Variants in AGBL2 observed in about 807,000 individuals in gnomAD.
AGBL2 encodes cytosolic carboxypeptidase 2.
In AGBL2, 87 loss-of-function variants were observed where a neutral mutation model predicts 103.0. The observed-to-expected ratio is 0.84, with a 90% CI of 0.71 to 1.01. The LOEUF (loss-of-function observed/expected upper bound fraction) is 1.01, where lower values mean the gene tolerates loss of function less well. Among genes scored for constraint, AGBL2 ranks in the 50% least tolerant of loss-of-function variants. The pLI is 0.00. For synonymous variants in AGBL2, 335 were observed against 356.7 expected (o/e 0.94, Z 0.69); for missense variants, 904 against 1,023.5 (o/e 0.88, Z 1.59).
At chr11:47,676,347 A>C (rs913512500) in intron 14 of AGBL2, among the ~76,000 whole-genome samples, 1 of 152,050 alleles carries the variant, frequency 6.6e-6, no homozygotes, top group Non-Finnish European at 1.5e-5. Flanking sequence ...ACATCCCCCC[A>C]CAACCACTGC....
chr11:47,664,375 T>C (rs2097335612), intron 17 of AGBL2, among the ~76,000 whole-genome samples: 2 of 151,668 alleles, frequency 1.3e-5, no homozygotes, highest in African/African-American at 4.8e-5. Context: ...GCCTCCCAAG[T>C]AGCTAGGACT....
At chr11:47,687,840 C>A (rs542937957) in intron 10 of AGBL2, among the ~76,000 whole-genome samples, 1 of 144,798 alleles carries the variant, frequency 6.9e-6, no homozygotes, top group African/African-American at 2.5e-5. Flanking sequence ...CACAGTCTCA[C>A]TCTGTCACCT....
At chr11:47,710,001 C>T (rs527603957) in intron 4 of AGBL2, among the ~76,000 whole-genome samples, 1 of 152,052 alleles carries the variant, frequency 6.6e-6, no homozygotes, top group South Asian at 2.1e-4. Flanking sequence ...GTGATCCTCC[C>T]ACCTCAGCCT....
chr11:47,690,683 A>T lies in AGBL2; in HGVS notation c.1024T>A (p.Ser342Thr), dbSNP rs775110370. The T allele has an allele frequency of 1.1e-5, 17 of 1,614,026 alleles. No homozygotes were observed. The highest frequency in any genetic ancestry group is 5.0e-5 in the Admixed American group (3 of 59,976). ...TTGCGGGTGTTGGCATCCAATTGGG[A>T]GTACAAGAGTGGCTTCATCCCTACA... ...YTVGMKPLLYSQLDANTRNIG... is the reference protein window; with the variant it reads ...YTVGMKPLLYTQLDANTRNIG... The change falls in exon 10 of 19, where the codon TCC (serine) becomes ACC (threonine). Residue 342 changes from serine to threonine, a missense_variant. By Grantham distance (58) the Ser-to-Thr change is moderately conservative. Coordinates refer to ENST00000525123, the MANE Select transcript of AGBL2 (RefSeq NM_024783.4).
At position 47,690,422 on chromosome 11, in the gene AGBL2, G is replaced by C; in HGVS notation, c.1285C>G (p.Leu429Val). The C allele has an allele frequency of 6.2e-7, 1 of 1,614,140 alleles. No homozygotes were observed. The highest frequency in any genetic ancestry group is 8.5e-7 in the Non-Finnish European group (1 of 1,180,022). The change falls in exon 10 of 19, where the codon CTA becomes GTA. Residue 429 changes from leucine to valine, a missense_variant. Leu to Val is a conservative substitution (Grantham distance 32, BLOSUM62 1). Transcript: ENST00000525123. Reference protein sequence around the residue: ...FCKLQTLCRSLAGNTVYLLTI... With the variant: ...FCKLQTLCRSVAGNTVYLLTI... Reference sequence around the variant, plus strand: ...AGCAAGTAAACGGTATTTCCTGCTAGGCTCCTGCATAAAGTTTGGAGCTTG... The same window carrying C: ...AGCAAGTAAACGGTATTTCCTGCTACGCTCCTGCATAAAGTTTGGAGCTTG...
intron 8 of AGBL2, among the ~76,000 whole-genome samples, chr11:47,693,455 C>A (rs1180035330): frequency 4.6e-5 from 7 of 152,082 alleles, no homozygotes; most frequent in Admixed American, 2.6e-4. Context: ...ATACAGTTAT[C>A]CCAACACCAT....
chr11:47,670,772 T>C (rs2097354994), intron 14 of AGBL2, among the ~76,000 whole-genome samples: 1 of 151,356 alleles, frequency 6.6e-6, no homozygotes, highest in Admixed American at 6.6e-5. Context: ...GGCTTAAAGA[T>C]CTCTTGAGCC....
At chr11:47,687,552 TC>T (rs1318893372) in intron 10 of AGBL2, among the ~76,000 whole-genome samples, 4 of 150,706 alleles carry the variant, frequency 2.7e-5, no homozygotes, top group Non-Finnish European at 5.9e-5. Flanking sequence ...GAACTCCGTC[TC>T]AAAAAAAAAA....
intron 4 of AGBL2, among the ~76,000 whole-genome samples, chr11:47,707,845 A>G (rs1184132179): frequency 6.6e-6 from 1 of 152,094 alleles, no homozygotes; most frequent in African/African-American, 2.4e-5. Flanking sequence ...GAATCTTTTC[A>G]TATGCTTATT....
intron 7 of AGBL2, among the ~76,000 whole-genome samples, chr11:47,702,554 G>A (rs1419419708): frequency 2.0e-5 from 3 of 152,066 alleles, no homozygotes; most frequent in African/African-American, 7.2e-5. Flanking sequence ...ACATATGAAC[G>A]AATATTATAA....
chr11:47,680,385 C>T (rs761763272), intron 12 of AGBL2, among the ~76,000 whole-genome samples: 4 of 151,814 alleles, frequency 2.6e-5, no homozygotes, highest in Non-Finnish European at 5.9e-5. Context: ...GGCGTGAATC[C>T]GGGAGGTGGA....
intron 14 of AGBL2, among the ~76,000 whole-genome samples, chr11:47,674,798 C>A (rs540025463): frequency 3.3e-5 from 5 of 151,722 alleles, no homozygotes; most frequent in African/African-American, 1.2e-4. Context: ...TGCAATGGTG[C>A]GATCTCGGCT....
Position 47,704,653 on chromosome 11 carries a change from C to T in AGBL2, c.476G>A (p.Arg159His), listed in dbSNP as rs201685809. 2.3e-4 allele frequency: 373 copies of T among 1,614,044 alleles called. No individual in the cohort carries two copies. Among genetic ancestry groups the T allele is most frequent in the Admixed American group, 6.3e-4 (38 of 59,998 alleles). The change falls in exon 7 of 19, where the codon CGT becomes CAT. Residue 159 changes from arginine (R) to histidine (H), a missense_variant. Coordinates refer to ENST00000525123, the MANE Select transcript of AGBL2 (RefSeq NM_024783.4). ...LYDELDEVNP[R>H]LREPQELFSI... ...AAAGAGCTCTTGGGGTTCTCGAAGA[C>T]GTGGGTTTACTTCATCCAACTCATC...
chr11:47,682,935 T>G (rs2097407055), intron 11 of AGBL2, among the ~76,000 whole-genome samples: 1 of 151,154 alleles, frequency 6.6e-6, no homozygotes, highest in Non-Finnish European at 1.5e-5. Flanking sequence ...AGATATGGGT[T>G]CTGGGTGTGA....
At chr11:47,676,030 G>C (rs2097373664) in intron 14 of AGBL2, among the ~76,000 whole-genome samples, 1 of 152,014 alleles carries the variant, frequency 6.6e-6, no homozygotes, top group East Asian at 1.9e-4. Flanking sequence ...TCTATCCAAT[G>C]ATGACTCTCT....
At chr11:47,660,887 CAGA>C (rs1401464695) in intron 18 of AGBL2, among the ~76,000 whole-genome samples, 1 of 152,076 alleles carries the variant, frequency 6.6e-6, no homozygotes, top group African/African-American at 2.4e-5. Flanking sequence ...CCCCCAAAAG[CAGA>C]AGGACTGCAT....
chr11:47,660,364 T>A lies in AGBL2; in HGVS notation c.2536-18A>T. 6.3e-7 allele frequency: 1 copy of A among 1,586,492 alleles called. No individual in the cohort carries two copies. ...TTCTTATTCTGTGCAAATAAGATTT[T>A]AAAAAGTTGAATTCAGTTTATTTTG... On this transcript the variant is annotated intron_variant, in intron 18 of 18. Coordinates refer to ENST00000525123, the MANE Select transcript of AGBL2 (RefSeq NM_024783.4).
chr11:47,713,825 G>A (rs1474409181), intron 3 of AGBL2, among the ~76,000 whole-genome samples: 2 of 151,734 alleles, frequency 1.3e-5, no homozygotes, highest in Non-Finnish European at 2.9e-5. Context: ...TCCTGACCTC[G>A]TGCTCCACCC....
chr11:47,695,227 C>T (rs528455801), intron 8 of AGBL2, among the ~76,000 whole-genome samples: 1 of 152,144 alleles, frequency 6.6e-6, no homozygotes, highest in South Asian at 2.1e-4. Context: ...GTAATCCCAG[C>T]ACTTTGGGAG....
Sources: allele counts gnomAD v4.1 joint callset (sites outside exome capture counted in the v4.1 genomes callset), GRCh38; gene constraint gnomAD v4.1.1; transcripts MANE v1.5; gene names NCBI Gene and HGNC (gene_info 2026-07-23, HGNC 2026-07-21).